STX5: variants seen among roughly 807,000 people sequenced by gnomAD.
STX5 encodes syntaxin-5.
Under a neutral mutation model 42.9 loss-of-function variants are expected in STX5, and 15 were observed. That is an observed-to-expected ratio of 0.35 (90% CI 0.23 to 0.54). The LOEUF (loss-of-function observed/expected upper bound fraction) is 0.54, where lower values mean the gene tolerates loss of function less well. STX5 is among the 20% of genes least tolerant of loss of function. STX5 has a pLI of 0.91. For synonymous variants in STX5, 184 were observed against 173.2 expected (o/e 1.06, Z -0.49); for missense variants, 430 against 455.0 (o/e 0.95, Z 0.50).
At chr11:62,824,108 A>G in intron 10 of STX5, 58 bp downstream of exon 10, 1 of 1,612,424 alleles carries the variant, frequency 6.2e-7, no homozygotes, top group Non-Finnish European at 8.5e-7. Flanking sequence ...GGACTTTAAG[A>G]TGCCAATCCA....
intron 10 of STX5, chr11:62,807,879 G>A: frequency 1.7e-6 from 1 of 581,952 alleles, no homozygotes; most frequent in Non-Finnish European, 2.9e-6. Flanking sequence ...CCGGCAAAAT[G>A]AGGATAACCC....
chr11:62,813,846 T>C (rs1165047966), intron 10 of STX5, among the ~76,000 whole-genome samples: 1 of 152,166 alleles, frequency 6.6e-6, no homozygotes, highest in African/African-American at 2.4e-5. Context: ...TCTTCCCACC[T>C]ATCGCCAGCT....
chr11:62,827,314 C>T (rs746789442), intron 4 of STX5, 29 bp downstream of exon 4: 1 of 1,614,164 alleles, frequency 6.2e-7, no homozygotes, highest in South Asian at 1.1e-5. Flanking sequence ...TTTACTGCCC[C>T]ACTTCTGAAA....
chr11:62,831,364 G>T lies in STX5; in HGVS notation c.-19-102C>A, dbSNP rs1047299940. On this transcript the variant is annotated intron_variant, in intron 1 of 10. Coordinates refer to ENST00000294179, the MANE Select transcript of STX5 (RefSeq NM_003164.5). The stretch of plus-strand genomic sequence containing the variant: ...TCCCCGAGCCCCTTCTGCACTTCTC[G>T]TGGACTTTCGCGCCCAGGACGCTCG... 4.9e-5 allele frequency: 43 copies of T among 880,690 alleles called. 1 individual carries two copies. The South Asian group carries it at 6.0e-4, about 12-fold the overall frequency. 54.6% of individuals were successfully genotyped at this position (880,690 alleles called of 1,614,324 possible).
intron 10 of STX5, among the ~76,000 whole-genome samples, chr11:62,809,012 G>C (rs2084585042): frequency 1.3e-5 from 2 of 152,078 alleles, no homozygotes; most frequent in South Asian, 4.1e-4. Flanking sequence ...ATGGGGGCCG[G>C]ACATGGTGGC....
At chr11:62,830,198 G>A (rs2084840920) in intron 2 of STX5, among the ~76,000 whole-genome samples, 1 of 143,832 alleles carries the variant, frequency 7.0e-6, no homozygotes, top group Non-Finnish European at 1.5e-5. Context: ...ACAGGGTCTT[G>A]CTTTGTTGCT....
chr11:62,831,072 G>A lies in STX5; in HGVS notation c.172C>T (p.Arg58Trp). Residue 58 changes from arginine (R) to tryptophan (W), a missense_variant, in exon 2 of 11, where the codon CGG becomes TGG. Coordinates refer to ENST00000294179, the MANE Select transcript of STX5 (RefSeq NM_003164.5). ...VPPPPDTMSC[R>W]DRTQEFLSAC... is the part of the protein sequence containing the mutation. ...GACAGAAACTCCTGGGTCCGATCCC[G>A]GCAGGACATGGTGTCGGGAGGGGGA... 1 of 1,556,354 alleles carries A rather than the reference G, an allele frequency of 6.4e-7. No homozygotes were observed.
chr11:62,811,540 C>G (rs1454034905), intron 10 of STX5, among the ~76,000 whole-genome samples: 1 of 152,176 alleles, frequency 6.6e-6, no homozygotes, highest in Non-Finnish European at 1.5e-5. Flanking sequence ...TCACATGGAA[C>G]AGCTTCTCCT....
At chr11:62,815,164 C>T (rs1028639012) in intron 10 of STX5, among the ~76,000 whole-genome samples, 2 of 151,226 alleles carry the variant, frequency 1.3e-5, no homozygotes, top group African/African-American at 2.4e-5. Flanking sequence ...CGCAGCACCA[C>T]GCCCAGTTAA....
intron 10 of STX5, among the ~76,000 whole-genome samples, chr11:62,814,189 G>A (rs1022502199): frequency 1.3e-5 from 2 of 152,106 alleles, no homozygotes; most frequent in Non-Finnish European, 2.9e-5. Context: ...ACTTGAGATG[G>A]AGTTTCGCTC....
At chr11:62,817,779 A>G (rs1380670032) in intron 10 of STX5, among the ~76,000 whole-genome samples, 1 of 152,228 alleles carries the variant, frequency 6.6e-6, no homozygotes, top group Non-Finnish European at 1.5e-5. Context: ...AATTATCTAA[A>G]AAAATTCACC....
chr11:62,825,358 G>C lies in STX5; in HGVS notation c.541-19C>G, dbSNP rs745400880. ...GTTTCGACTAGAAGAAAAGGAGAGA[G>C]GGTCAACCAAAGAAGGCTCCACATT... On this transcript the variant is annotated intron_variant, in intron 6 of 10. Transcript: ENST00000294179. 3.1e-6 allele frequency: 5 copies of C among 1,614,054 alleles called. No individual in the cohort carries two copies. The highest frequency in any genetic ancestry group is 4.2e-6 in the Non-Finnish European group (5 of 1,180,058).
chr11:62,831,857 GC>G (rs1374184555), intron 1 of STX5, 96 bp downstream of exon 1: 1 of 454,666 alleles, frequency 2.2e-6, no homozygotes, highest in Non-Finnish European at 4.4e-6. Flanking sequence ...TTGCCCGCTC[GC>G]CCCTGATTCC....
intron 7 of STX5, 24 bp downstream of exon 7, chr11:62,825,259 C>G: frequency 1.9e-6 from 3 of 1,613,928 alleles, no homozygotes; most frequent in Non-Finnish European, 2.5e-6. Flanking sequence ...ATATTCCTAC[C>G]CCTCCTACGC....
At position 62,825,448 on chromosome 11, in the gene STX5, G is replaced by C; in HGVS notation, c.515C>G (p.Ser172Cys). Residue 172 changes from serine to cysteine, a missense_variant, in exon 6 of 11, where the codon TCC (serine) becomes TGC (cysteine). Physicochemically the swap from Ser to Cys is moderately radical, Grantham distance 112. Coordinates refer to ENST00000294179, the MANE Select transcript of STX5 (RefSeq NM_003164.5). ...SQSGRHLQTH[S>C]NTIVVSLQSK... is the part of the protein sequence containing the mutation. ...CTGCAAGGAGACCACAATGGTGTTG[G>C]AGTGGGTCTGCAGGTGCCGGCCACT... 1.9e-6 allele frequency: 3 copies of C among 1,614,108 alleles called. No individual in the cohort carries two copies. Among genetic ancestry groups the C allele is most frequent in the Non-Finnish European group, 2.5e-6 (3 of 1,180,036 alleles).
At position 62,821,500 on chromosome 11, in the gene STX5, G is replaced by A. The variant is rs1326112609; in HGVS notation, c.908+2666C>T. Among the ~76,000 whole-genome samples the A allele has an allele frequency of 4.6e-5, 7 of 151,706 alleles. No individual in the cohort carries two copies. In the East Asian group the frequency reaches 7.8e-4, roughly 17 times the overall value. On this transcript the variant is annotated intron_variant, in intron 10 of 10. Coordinates refer to ENST00000294179, the MANE Select transcript of STX5 (RefSeq NM_003164.5). ...AGCACTTTGGGAGGCCGAAGTGGGC[G>A]GATTGCCTGAGGTCAGGAGGTCGAG... is the stretch of plus-strand genomic sequence containing the variant.
At chr11:62,830,870 T>TAAC in intron 2 of STX5, 149 bp downstream of exon 2, 1 of 780,478 alleles carries the variant, frequency 1.3e-6, no homozygotes, top group African/African-American at 1.7e-5. Context: ...CTCTTCTCTG[T>TAAC]TGCTTATAGC....
At chr11:62,831,738 T>C (rs1271873642) in intron 1 of STX5, among the ~76,000 whole-genome samples, 1 of 130,414 alleles carries the variant, frequency 7.7e-6, no homozygotes, top group Non-Finnish European at 1.6e-5. Context: ...AAGGTCCGCC[T>C]TCTGGAAGAC....
chr11:62,819,500 T>C (rs950833000), intron 10 of STX5, among the ~76,000 whole-genome samples: 9 of 152,054 alleles, frequency 5.9e-5, no homozygotes, highest in Admixed American at 4.6e-4. Context: ...CTTAATTTCT[T>C]TAAAATACAT....
Sources: allele counts gnomAD v4.1 joint callset (sites outside exome capture counted in the v4.1 genomes callset), GRCh38; gene constraint gnomAD v4.1.1; transcripts MANE v1.5; gene names NCBI Gene and HGNC (gene_info 2026-07-23, HGNC 2026-07-21).